Variants in ITGB3 observed in about 807,000 individuals in gnomAD.
The protein encoded by ITGB3 is integrin subunit beta 3.
A neutral mutation model predicts 85.8 loss-of-function variants in ITGB3; 48 were observed. The ratio of observed to expected loss-of-function variants is 0.56; its 90% confidence interval spans 0.44 to 0.71. ITGB3 has a LOEUF of 0.71. Among genes scored for constraint, ITGB3 ranks in the 30% least tolerant of loss-of-function variants. The pLI is 0.00. For missense variants in ITGB3, 861 were observed against 1,019.1 expected, an observed-to-expected ratio of 0.84 and a Z score of 2.11; for synonymous variants, 363 against 395.6, an observed-to-expected ratio of 0.92 and a Z score of 0.98.
intron 3 of ITGB3, 31 bp from the exon 4 acceptor site, chr17:47,284,412 A>T (rs1040128345): frequency 6.2e-7 from 1 of 1,614,014 alleles, no homozygotes; most frequent in East Asian, 2.2e-5. Context: ...TGGGAGAAGA[A>T]GATAAAAACT....
chr17:47,273,064 C>G (rs1240353082), intron 1 of ITGB3, among the ~76,000 whole-genome samples: 1 of 152,174 alleles, frequency 6.6e-6, no homozygotes, highest in African/African-American at 2.4e-5. Context: ...CATGAGCCAC[C>G]ACGCCTGGCC....
intron 1 of ITGB3, among the ~76,000 whole-genome samples, chr17:47,258,941 T>G (rs1010401043): frequency 6.6e-6 from 1 of 152,256 alleles, no homozygotes; most frequent in African/African-American, 2.4e-5. Flanking sequence ...CATCTATCAG[T>G]AACTCTAAGA....
rs1273257575 is a variant in ITGB3 at position 47,286,326 on chromosome 17, C to T, written c.681C>T (p.Thr227=). ...TGCTGACGCTAACTGACCAGGTGAC[C>T]CGCTTCAATGAGGAAGTGAAGAAGC... ...KHVLTLTDQV[T]RFNEEVKKQS... The change falls in exon 5 of 15, where the codon ACC becomes ACT. Residue 227 remains threonine, a synonymous_variant. Coordinates refer to ENST00000559488, the MANE Select transcript of ITGB3 (RefSeq NM_000212.3). The T allele has an allele frequency of 6.2e-7, 1 of 1,614,164 alleles. No homozygotes were observed. The highest frequency in any genetic ancestry group is 8.5e-7 in the Non-Finnish European group (1 of 1,180,034).
chr17:47,293,649 G>A (rs1296742623), intron 10 of ITGB3, among the ~76,000 whole-genome samples: 1 of 150,892 alleles, frequency 6.6e-6, no homozygotes, highest in African/African-American at 2.4e-5. Flanking sequence ...TTGCTCTATC[G>A]CCAGGCTGGA....
intron 10 of ITGB3, among the ~76,000 whole-genome samples, chr17:47,296,610 A>G (rs1318067296): frequency 6.6e-6 from 1 of 152,112 alleles, no homozygotes; most frequent in African/African-American, 2.4e-5. Context: ...AACTGGGAGG[A>G]AGGAGCTATT....
intron 1 of ITGB3, among the ~76,000 whole-genome samples, chr17:47,258,437 T>C (rs2064997913): frequency 6.7e-6 from 1 of 149,364 alleles, no homozygotes; most frequent in South Asian, 2.1e-4. Context: ...AAACACTCTT[T>C]TTTTTTTTTT....
At chr17:47,276,674 G>A (rs2143073978) in intron 2 of ITGB3, among the ~76,000 whole-genome samples, 1 of 152,278 alleles carries the variant, frequency 6.6e-6, no homozygotes, top group East Asian at 1.9e-4. Context: ...GAAGGGTGGA[G>A]GACCCCAGTA....
chr17:47,276,687 G>A (rs2065065095), intron 2 of ITGB3, among the ~76,000 whole-genome samples: 1 of 152,164 alleles, frequency 6.6e-6, no homozygotes, highest in Non-Finnish European at 1.5e-5. Context: ...CCCCAGTATG[G>A]GACAGAATGT....
At position 47,290,134 on chromosome 17, in the gene ITGB3, G is replaced by T. The variant is rs773437320; in HGVS notation, c.1036-51G>T. The T allele has an allele frequency of 2.0e-5, 29 of 1,427,090 alleles. No individual in the cohort carries two copies. The South Asian group carries it at 3.1e-4, about 15-fold the overall frequency. The allele number at this position is 1,427,090 out of a possible 1,614,324, so 88.4% of individuals were successfully genotyped here. On this transcript the variant is annotated intron_variant, in intron 7 of 14. Coordinates refer to ENST00000559488, the MANE Select transcript of ITGB3 (RefSeq NM_000212.3). ...GTGGGATTTGGGGAGGGCTTTTGGA[G>T]ACCACCAGCTTCCTTTGGTAAGCTC...
chr17:47,259,772 G>A (rs1192279549), intron 1 of ITGB3, among the ~76,000 whole-genome samples: 2 of 152,040 alleles, frequency 1.3e-5, no homozygotes, highest in Non-Finnish European at 2.9e-5. Flanking sequence ...GGTGGCATGC[G>A]TCTGTAATCC....
chr17:47,260,355 C>A (rs573171878), intron 1 of ITGB3, among the ~76,000 whole-genome samples: 1 of 152,186 alleles, frequency 6.6e-6, no homozygotes, highest in Non-Finnish European at 1.5e-5. Flanking sequence ...CCACCTTCAA[C>A]TGGAACTCCT....
intron 13 of ITGB3, 101 bp from the exon 14 acceptor site, chr17:47,307,370 C>G: frequency 1.5e-6 from 2 of 1,334,788 alleles, no homozygotes; most frequent in South Asian, 2.4e-5. Flanking sequence ...CTATTTCCTT[C>G]AAGGACCTTA....
At chr17:47,267,297 T>C (rs1402094693) in intron 1 of ITGB3, among the ~76,000 whole-genome samples, 1 of 152,164 alleles carries the variant, frequency 6.6e-6, no homozygotes, top group Non-Finnish European at 1.5e-5. Flanking sequence ...GTTTGTTCTG[T>C]AAGTGACATT....
intron 1 of ITGB3, among the ~76,000 whole-genome samples, chr17:47,267,825 T>G (rs1378516152): frequency 6.6e-6 from 1 of 152,190 alleles, no homozygotes; most frequent in Non-Finnish European, 1.5e-5. Context: ...GTTAAATGAA[T>G]AGACTGGGAA....
chr17:47,289,880 C>A, intron 7 of ITGB3, 104 bp downstream of exon 7: 2 of 846,318 alleles, frequency 2.4e-6, no homozygotes, highest in Non-Finnish European at 4.1e-6. Flanking sequence ...AGGAAAGAGT[C>A]TCCCCTAATC....
chr17:47,270,232 T>A (rs2065039672), intron 1 of ITGB3, among the ~76,000 whole-genome samples: 1 of 152,228 alleles, frequency 6.6e-6, no homozygotes, highest in African/African-American at 2.4e-5. Context: ...CCCATGGTCC[T>A]CTTCCCTCTT....
At chr17:47,304,176 G>A (rs561303016) in intron 13 of ITGB3, among the ~76,000 whole-genome samples, 109 of 152,260 alleles carry the variant, frequency 7.2e-4, no homozygotes, top group Non-Finnish European at 1.3e-3. Flanking sequence ...TTACAGGTGT[G>A]AGCCAACACA....
Position 47,310,164 on chromosome 17 carries a change from C to A in ITGB3, c.2327C>A (p.Ala776Asp), listed in dbSNP as rs751240067. The A allele has an allele frequency of 6.2e-7, 1 of 1,614,038 alleles. No individual in the cohort carries two copies. The highest frequency in any genetic ancestry group is 1.1e-5 in the South Asian group (1 of 91,072). Residue 776 changes from alanine to aspartate, a missense_variant, in exon 15 of 15, where the codon GCC becomes GAC. By Grantham distance (126) the Ala-to-Asp change is moderately radical. Transcript: ENST00000559488. ...DTANNPLYKEATSTFTNITYR... is the reference protein window; with the variant it reads ...DTANNPLYKEDTSTFTNITYR... ...GCCAACAACCCACTGTATAAAGAGG[C>A]CACGTCTACCTTCACCAATATCACG... is the stretch of plus-strand genomic sequence containing the variant.
At chr17:47,254,032 C>T in intron 1 of ITGB3, 92 bp downstream of exon 1, 2 of 835,284 alleles carry the variant, frequency 2.4e-6, no homozygotes, top group Admixed American at 4.0e-5. Flanking sequence ...ACGCGGAGGG[C>T]TGGTCCCGCG....
Sources: allele counts gnomAD v4.1 joint callset (sites outside exome capture counted in the v4.1 genomes callset), GRCh38; gene constraint gnomAD v4.1.1; transcripts MANE v1.5; gene names NCBI Gene and HGNC (gene_info 2026-07-23, HGNC 2026-07-21).